The following DCTN1 variants were observed in gnomAD, a reference collection of about 807,000 sequenced individuals.
DCTN1 encodes the protein dynactin subunit 1.
Under a neutral mutation model 161.2 loss-of-function variants are expected in DCTN1, and 61 were observed. The observed-to-expected ratio is 0.38, with a 90% CI of 0.31 to 0.47. DCTN1 has a LOEUF of 0.47. Among genes scored for constraint, DCTN1 ranks in the 20% least tolerant of loss-of-function variants. The pLI is 0.99. For missense variants in DCTN1, 1,404 were observed against 1,623.7 expected (o/e 0.86, Z 2.33); for synonymous variants, 653 against 632.4 (o/e 1.03, Z -0.49).
intron 1 of DCTN1, among the ~76,000 whole-genome samples, chr2:74,388,107 T>C (rs13408689): frequency 0.039 from 5,938 of 152,188 alleles, 395 homozygotes; most frequent in African/African-American, 0.13. Flanking sequence ...CCACCTGTAG[T>C]AGCTATAGTC....
chr2:74,376,858 G>A (rs1245226591), intron 4 of DCTN1, 96 bp from the exon 5 acceptor site: 2 of 1,141,260 alleles, frequency 1.8e-6, no homozygotes, highest in Non-Finnish European at 2.6e-6. Flanking sequence ...GACGCGGGTA[G>A]GGGGGAGTCA....
In DCTN1 at chr2:74,366,353, C is replaced by A. The variant is rs1661409584; in HGVS notation, c.2651G>T (p.Ser884Ile). Reference sequence around the variant, plus strand: ...TGACTGGCGCAGACACTCATAGGGGCTGCTGGAGGGGGTCCCATAGATCTG... The same window carrying A: ...TGACTGGCGCAGACACTCATAGGGGATGCTGGAGGGGGTCCCATAGATCTG... ...SEQIYGTPSS[S>I]PYECLRQSCN... The change falls in exon 23 of 32, where the codon AGC becomes ATC. Residue 884 changes from serine (S) to isoleucine (I), a missense_variant. Physicochemically the swap from Ser to Ile is moderately radical, Grantham distance 142. Transcript: ENST00000628224. 1 of 1,614,098 alleles carries A rather than the reference C, an allele frequency of 6.2e-7. No individual in the cohort carries two copies. The highest frequency in any genetic ancestry group is 8.5e-7 in the Non-Finnish European group (1 of 1,180,034).
chr2:74,391,779 G>C (rs1249468393), intron 1 of DCTN1: 3 of 453,524 alleles, frequency 6.6e-6, no homozygotes, highest in Non-Finnish European at 1.3e-5. Context: ...GGTTGGCAGA[G>C]TCGCGCCTCC....
chr2:74,364,997 C>A (rs1183473343), intron 26 of DCTN1, 78 bp downstream of exon 26: 31 of 1,588,030 alleles, frequency 2.0e-5, no homozygotes, highest in Middle Eastern at 1.7e-4. Context: ...GGGGGTGGGG[C>A]AGAGGTCAAA....
upstream of DCTN1, chr2:74,385,073 T>C (rs77395865): frequency 3.0e-3 from 463 of 152,282 alleles, 1 homozygote; most frequent in Non-Finnish European, 5.9e-3. Context: ...GCGGATTTCA[T>C]AGATAAGGCC....
rs779035022 is a variant in DCTN1, at chr2:74,370,961, C to G, written c.843+18G>C. 2 of 1,613,548 alleles carry G rather than the reference C, an allele frequency of 1.2e-6. No individual in the cohort carries two copies. Among genetic ancestry groups the G allele is most frequent in the South Asian group, 1.1e-5 (1 of 91,060 alleles). On this transcript the variant is annotated intron_variant, in intron 9 of 31. Transcript: ENST00000628224. The surrounding 1 kb of genome is among the most constrained non-coding windows in gnomAD (Gnocchi z 4.4). The stretch of plus-strand genomic sequence containing the variant: ...GGTCTCAGGCTGCCCCAGCCACCCC[C>G]TTCATCCAGAGTCAAACCTTTCTCG...
upstream of DCTN1, chr2:74,380,390 A>G (rs13411165): frequency 0.029 from 14,514 of 506,096 alleles, 1,576 homozygotes; most frequent in African/African-American, 0.24. Context: ...CGTGGGCCAG[A>G]AACTAAGGGC....
chr2:74,362,256 A>T lies in DCTN1; in HGVS notation c.3610-115T>A, dbSNP rs770604529. The stretch of plus-strand genomic sequence containing the variant: ...CAGGGGGGCAGGGACTTAGTCCTCT[A>T]TATCAACATACTTTTGCTCTCATCT... On this transcript the variant is annotated intron_variant, in intron 30 of 31. Transcript: ENST00000628224. 2.0e-4 allele frequency: 178 copies of T among 871,314 alleles called. 1 individual carries two copies. Among genetic ancestry groups the T allele is most frequent in the Middle Eastern group, 1.8e-3 (8 of 4,540 alleles). 54.0% of individuals were successfully genotyped at this position (871,314 alleles called of 1,614,324 possible). A position where few individuals can be genotyped will look rare whatever the true frequency, so the allele number is the denominator to read the frequency against.
In DCTN1 at chr2:74,370,058, A is replaced by G. The variant is rs1466431160; in HGVS notation, c.1299T>C (p.Ala433=). 1.2e-6 allele frequency: 2 copies of G among 1,614,002 alleles called. No individual in the cohort carries two copies. Among genetic ancestry groups the G allele is most frequent in the African/African-American group, 1.3e-5 (1 of 74,878 alleles). The change falls in exon 13 of 32, where the codon GCT becomes GCC. Residue 433 remains alanine (A), a synonymous_variant. Coordinates refer to ENST00000628224, the MANE Select transcript of DCTN1 (RefSeq NM_004082.5). This position sits in a 1 kb window ranked among gnomAD's most constrained non-coding sequence, Gnocchi z 4.4. ...TCTCCACCATCTCCTCAGCACCCAG[A>G]GCAGCATCCACCTGTGTTACGGGGA... The part of the protein sequence containing the change: ...IDELKEQVDA[A]LGAEEMVEML...
upstream of DCTN1, chr2:74,383,919 CT>C (rs1675618448): frequency 6.6e-6 from 1 of 152,210 alleles, no homozygotes; most frequent in Admixed American, 6.5e-5. Context: ...TAGATATCAT[CT>C]TCATTCATTA....
At chr2:74,371,835 G>A in intron 7 of DCTN1, 107 bp from the exon 8 acceptor site, 3 of 906,440 alleles carry the variant, frequency 3.3e-6, no homozygotes, top group African/African-American at 1.7e-5. Flanking sequence ...GACAGAAAAG[G>A]GAAAAAGCAG....
rs1012209039 is a variant in DCTN1 at position 74,371,328 on chromosome 2, G to A, written c.646-152C>T. 2.0e-5 allele frequency: 31 copies of A among 1,535,410 alleles called. No individual in the cohort carries two copies. In the East Asian group the frequency reaches 3.6e-4, roughly 18 times the overall value. Reference sequence around the variant, plus strand: ...GCATAAGAACATCTGAGAGGAAACCGTAGCACAGTATATATGGGGAAAGTA... The same window carrying A: ...GCATAAGAACATCTGAGAGGAAACCATAGCACAGTATATATGGGGAAAGTA... On this transcript the variant is annotated intron_variant, in intron 8 of 31. Coordinates refer to ENST00000628224, the MANE Select transcript of DCTN1 (RefSeq NM_004082.5).
chr2:74,378,276 G>A (rs1573179358), intron 1 of DCTN1, 31 bp from the exon 2 acceptor site: 1 of 1,600,778 alleles, frequency 6.2e-7, no homozygotes. Context: ...CAGACAGTTA[G>A]AGGCCTCAGA....
At chr2:74,377,345 A>T in intron 4 of DCTN1, 87 bp downstream of exon 4, 1 of 1,196,214 alleles carries the variant, frequency 8.4e-7, no homozygotes, top group Non-Finnish European at 1.3e-6. Flanking sequence ...CTCACCTACT[A>T]CTTCTACCTG....
At chr2:74,374,573 GC>G in intron 5 of DCTN1, 1 of 1,326,462 alleles carries the variant, frequency 7.5e-7, no homozygotes, top group Non-Finnish European at 9.8e-7. Context: ...TGACACAGAG[GC>G]CCCCGCAGAC....
At chr2:74,372,867 C>T in intron 7 of DCTN1, 61 bp downstream of exon 7, 3 of 1,554,658 alleles carry the variant, frequency 1.9e-6, no homozygotes, top group Non-Finnish European at 2.7e-6. Context: ...CTCATACATC[C>T]ACATGCCTGA....
At chr2:74,366,416 C>G (rs1247042733) in intron 22 of DCTN1, 41 bp from the exon 23 acceptor site, 2 of 1,614,170 alleles carry the variant, frequency 1.2e-6, no homozygotes, top group Admixed American at 3.3e-5. Flanking sequence ...CCACACTGGT[C>G]ACTAACTCTC....
chr2:74,383,678 A>G (rs1233440500), upstream of DCTN1: 3 of 152,232 alleles, frequency 2.0e-5, no homozygotes, highest in Non-Finnish European at 4.4e-5. Flanking sequence ...AGCCCTGAGA[A>G]GGCCTTGTAA....
intron 26 of DCTN1, 22 bp from the exon 27 acceptor site, chr2:74,363,650 G>A: frequency 6.2e-7 from 1 of 1,613,418 alleles, no homozygotes; most frequent in Non-Finnish European, 8.5e-7. Context: ...ATAGCCCATG[G>A]GGGAGCAGGA....
Sources: gnomAD v4.1 joint callset for allele counts (sites outside exome capture counted in the v4.1 genomes callset) on GRCh38, gnomAD v4.1.1 for gene constraint, Gnocchi (gnomAD v3.1) non-coding constraint, MANE v1.5 for transcripts, NCBI Gene and HGNC (gene_info 2026-07-23, HGNC 2026-07-21) for gene names.